DCLRE1C: variants seen among roughly 807,000 people sequenced by gnomAD.
DCLRE1C encodes the protein DNA cross-link repair 1C.
DCLRE1C carries 47 observed loss-of-function variants against 61.4 expected under a neutral mutation model. The ratio of observed to expected loss-of-function variants is 0.77; its 90% CI spans 0.61 to 0.98. The LOEUF (loss-of-function observed/expected upper bound fraction) is 0.98. Among genes scored for constraint, DCLRE1C ranks in the 50% least tolerant of loss-of-function variants. The pLI is 0.00. For synonymous variants in DCLRE1C, 337 were observed against 287.6 expected (o/e 1.17, Z -1.74); for missense variants, 858 against 816.0 (o/e 1.05, Z -0.63).
chr10:14,945,548 G>T, intron 2 of DCLRE1C: 1 of 1,092,566 alleles, frequency 9.2e-7, no homozygotes, highest in Non-Finnish European at 1.1e-6. Flanking sequence ...ATACGCGCTT[G>T]TATGTGATCA....
intron 4 of DCLRE1C, among the ~76,000 whole-genome samples, chr10:14,939,129 A>G (rs1010529375): frequency 9.9e-5 from 15 of 152,188 alleles, no homozygotes; most frequent in East Asian, 3.9e-4. Flanking sequence ...CACAGGGAAA[A>G]AGACAGCATC....
rs776762260 is a variant in DCLRE1C, at chr10:14,928,161, G to C, written c.781-9C>G. The C allele has an allele frequency of 2.5e-6, 4 of 1,611,582 alleles. No homozygotes were observed. Among genetic ancestry groups the C allele is most frequent in the African/African-American group, 2.7e-5 (2 of 74,704 alleles). On this transcript the variant is annotated splice_polypyrimidine_tract_variant and intron_variant, in intron 9 of 13. Transcript: ENST00000378278. ...TGAAAATATTCCTCTGCCTAAAAAA[G>C]ATAAAAAGCATAGAAAAACAGTTCT...
At position 14,939,835 on chromosome 10, in the gene DCLRE1C, G is replaced by T. The variant is rs762266339; in HGVS notation, c.281C>A (p.Ser94Tyr). The change falls in exon 4 of 14, where the codon TCT (serine) becomes TAT (tyrosine). Residue 94 changes from serine to tyrosine, a missense_variant. Ser to Tyr is a moderately radical substitution (Grantham distance 144). Transcript: ENST00000378278. Reference sequence around the variant, plus strand: ...CTCTCCTGATGCTTCATCCACTAAAGATATCTGGGTAGGAGTCTCGATTTC... The same window carrying T: ...CTCTCCTGATGCTTCATCCACTAAATATATCTGGGTAGGAGTCTCGATTTC... ...SIEIETPTQI[S>Y]LVDEASGEKE... The T allele has an allele frequency of 1.3e-5, 21 of 1,597,366 alleles. No individual in the cohort carries two copies. Among genetic ancestry groups the T allele is most frequent in the Non-Finnish European group, 1.7e-5 (20 of 1,166,000 alleles).
intron 12 of DCLRE1C, among the ~76,000 whole-genome samples, 184 bp from the exon 13 acceptor site, chr10:14,920,016 C>G (rs1270391307): frequency 6.6e-6 from 1 of 152,132 alleles, no homozygotes; most frequent in African/African-American, 2.4e-5. Flanking sequence ...CAGTTCTAAA[C>G]TGATTTCATA....
At chr10:14,900,850 T>G (rs551007307), downstream of DCLRE1C, among the ~76,000 whole-genome samples, 6 of 152,296 alleles carry the variant, frequency 3.9e-5, no homozygotes, top group East Asian at 5.8e-4. Flanking sequence ...AAAAAAAAGT[T>G]GGGACTAGAG....
At chr10:14,899,255 G>A (rs1479465806) in exon 14 of DCLRE1C, 12 of 702,034 alleles carry the variant, frequency 1.7e-5, no homozygotes. Flanking sequence ...AGGAGTTAAA[G>A]GATACAGGGA....
Position 14,932,920 on chromosome 10 carries a change from C to T in DCLRE1C, c.714G>A (p.Met238Ile), listed in dbSNP as rs114825716. The T allele has an allele frequency of 3.7e-6, 6 of 1,614,194 alleles. No homozygotes were observed. The highest frequency in any genetic ancestry group is 2.2e-5 in the East Asian group (1 of 44,892). ...TTGTGAGATGATGAAGGATCTCAGG[C>T]ATGTTCCTAAACATGTCTAGCTTAT... ...HVNKLDMFRN[M>I]PEILHHLTTD... Residue 238 changes from methionine to isoleucine, a missense_variant, in exon 9 of 14, where the codon ATG becomes ATA. Transcript: ENST00000378278.
intron 13 of DCLRE1C, among the ~76,000 whole-genome samples, chr10:14,910,636 T>C (rs1029022915): frequency 5.3e-5 from 8 of 152,222 alleles, no homozygotes; most frequent in African/African-American, 1.9e-4. Context: ...GATCTCTAAG[T>C]TGAACAGTTC....
downstream of DCLRE1C, chr10:14,903,191 A>G (rs1303168312): frequency 2.6e-5 from 4 of 152,154 alleles, no homozygotes; most frequent in Non-Finnish European, 5.9e-5. Flanking sequence ...TAGAAGAAAA[A>G]TCTCCGAAGA....
At chr10:14,916,076 A>G (rs1359102751) in intron 13 of DCLRE1C, among the ~76,000 whole-genome samples, 1 of 152,196 alleles carries the variant, frequency 6.6e-6, no homozygotes, top group Non-Finnish European at 1.5e-5. Context: ...TCCACCTACC[A>G]AGAACAGAAG....
chr10:14,909,016 C>G lies in DCLRE1C; in HGVS notation c.1471G>C (p.Val491Leu), dbSNP rs1834796251. Reference protein sequence around the residue: ...KADGDVPQWEVFFKRNDEITD... With the variant: ...KADGDVPQWELFFKRNDEITD... ...ATTTCATCATTTCTTTTAAAGAATA[C>G]TTCCCACTGGGGTACATCCCCATCA... Residue 491 changes from valine (V) to leucine (L), a missense_variant, in exon 14 of 14, where the codon GTA becomes CTA. Around this residue, in one of 2 missense-constraint regions of DCLRE1C, gnomAD observed 843 missense variants for 783.5 expected, o/e 1.08. Coordinates refer to ENST00000378278, the MANE Select transcript of DCLRE1C (RefSeq NM_001033855.3). The G allele has an allele frequency of 6.2e-7, 1 of 1,613,916 alleles. No homozygotes were observed. The highest frequency in any genetic ancestry group is 1.3e-5 in the African/African-American group (1 of 74,924).
chr10:14,941,245 C>T (rs1450845207), intron 3 of DCLRE1C, among the ~76,000 whole-genome samples: 1 of 152,230 alleles, frequency 6.6e-6, no homozygotes, highest in Non-Finnish European at 1.5e-5. Context: ...ATGTTCCACA[C>T]ATTCTGACAT....
chr10:14,922,635 ATC>A (rs1442699642), intron 12 of DCLRE1C, among the ~76,000 whole-genome samples: 1 of 152,016 alleles, frequency 6.6e-6, no homozygotes, highest in Admixed American at 6.6e-5. Context: ...TCCCTGTATC[ATC>A]TCTTTCTTTT....
At chr10:14,945,239 C>A in intron 2 of DCLRE1C, 50 bp from the exon 3 acceptor site, 1 of 1,541,552 alleles carries the variant, frequency 6.5e-7, no homozygotes. Flanking sequence ...AATGAGCCAT[C>A]TTGGTGACTA....
intron 13 of DCLRE1C, among the ~76,000 whole-genome samples, chr10:14,913,239 ATAG>A (rs779335070): frequency 1.3e-5 from 2 of 152,246 alleles, no homozygotes; most frequent in Non-Finnish European, 2.9e-5. Flanking sequence ...AAGGCCGGGA[ATAG>A]TAATGGGGAG....
chr10:14,935,707 C>T (rs1589072466), intron 5 of DCLRE1C, 143 bp from the exon 6 acceptor site: 8 of 846,668 alleles, frequency 9.4e-6, no homozygotes, highest in Non-Finnish European at 1.2e-5. Flanking sequence ...GTAATTTGAA[C>T]CACACCAGGC....
At chr10:14,901,094 A>G, downstream of DCLRE1C, 1 of 1,607,250 alleles carries the variant, frequency 6.2e-7, no homozygotes, top group Non-Finnish European at 8.5e-7. Flanking sequence ...GCTTGTTTAC[A>G]CCGTTTGTAC....
chr10:14,927,840 G>C (rs1011823385), intron 10 of DCLRE1C, among the ~76,000 whole-genome samples, 176 bp downstream of exon 10: 1 of 152,138 alleles, frequency 6.6e-6, no homozygotes, highest in Non-Finnish European at 1.5e-5. Context: ...CAGCTGATGG[G>C]AGTGTAACTG....
At chr10:14,899,747 A>G, downstream of DCLRE1C, 1 of 1,562,232 alleles carries the variant, frequency 6.4e-7, no homozygotes. Context: ...TAGTTTCCAT[A>G]GCTAAAGAAT....
Sources: gnomAD v4.1 joint callset for allele counts (sites outside exome capture counted in the v4.1 genomes callset) on GRCh38, gnomAD v4.1.1 for gene constraint, gnomAD v4.1.1 regional missense constraint, MANE v1.5 for transcripts, NCBI Gene and HGNC (gene_info 2026-07-23, HGNC 2026-07-21) for gene names.